CBLN2: variants seen among roughly 807,000 people sequenced by gnomAD.
The protein encoded by CBLN2 is cerebellin-2.
A neutral mutation model predicts 15.0 loss-of-function variants in CBLN2; 7 were observed. That is an observed-to-expected ratio of 0.47 (90% CI 0.27 to 0.88). The LOEUF is 0.88. Ranked by LOEUF, CBLN2 falls within the 40% of genes least tolerant of loss-of-function variation. The pLI, the probability that CBLN2 is intolerant of heterozygous loss-of-function variation, is 0.14. For synonymous variants in CBLN2, 149 were observed against 135.2 expected (o/e 1.10, Z -0.71); for missense variants, 242 against 304.5 (o/e 0.79, Z 1.53).
At chr18:72,548,540 A>G (rs1373977016), upstream of CBLN2, among the ~76,000 whole-genome samples, 1 of 152,218 alleles carries the variant, frequency 6.6e-6, no homozygotes, top group African/African-American at 2.4e-5. Context: ...GTTATCGCTC[A>G]GGATCCGTTC....
intron 1 of CBLN2, among the ~76,000 whole-genome samples, chr18:72,636,046 A>T (rs1486640726): frequency 1.3e-5 from 2 of 152,086 alleles, no homozygotes; most frequent in Non-Finnish European, 2.9e-5. Context: ...AAGAAAAATC[A>T]CCCTTTTCTT....
At chr18:72,583,501 T>C (rs2069421231) in intron 1 of CBLN2, among the ~76,000 whole-genome samples, 1 of 152,192 alleles carries the variant, frequency 6.6e-6, no homozygotes, top group Non-Finnish European at 1.5e-5. Context: ...GTGAATGAAT[T>C]CCATTTATCC....
intron 1 of CBLN2, among the ~76,000 whole-genome samples, chr18:72,611,114 A>G (rs556609953): frequency 2.6e-5 from 4 of 152,126 alleles, no homozygotes; most frequent in Non-Finnish European, 5.9e-5. Context: ...GTGTATATGT[A>G]CCATATTTTC....
At chr18:72,574,213 A>G in intron 1 of CBLN2, among the ~76,000 whole-genome samples, 1 of 151,938 alleles carries the variant, frequency 6.6e-6, no homozygotes, top group East Asian at 1.9e-4. Context: ...TTTTGCAAAT[A>G]TTTTCTTTCA....
chr18:72,549,944 T>A (rs2069181783), intron 1 of CBLN2, among the ~76,000 whole-genome samples: 1 of 152,154 alleles, frequency 6.6e-6, no homozygotes, highest in South Asian at 2.1e-4. Flanking sequence ...GGGTCAAAGG[T>A]ATTGCGGTTC....
At position 72,542,094 on chromosome 18, in the gene CBLN2, G is replaced by C; in HGVS notation, c.67C>G (p.Arg23Gly). The C allele has an allele frequency of 6.7e-7, 1 of 1,494,504 alleles. No individual in the cohort carries two copies. Among genetic ancestry groups the C allele is most frequent in the Non-Finnish European group, 8.8e-7 (1 of 1,133,124 alleles). 92.6% of individuals were successfully genotyped at this position (1,494,504 alleles called of 1,614,324 possible). A position where few individuals can be genotyped will look rare whatever the true frequency, so the allele number is the denominator to read the frequency against. Residue 23 changes from arginine (R) to glycine (G), a missense_variant, in exon 3 of 5, where the codon CGC (arginine) becomes GGC (glycine). Physicochemically the swap from Arg to Gly is moderately radical, Grantham distance 125. Around this residue, in one of 4 missense-constraint regions of CBLN2, gnomAD observed 96 missense variants for 83.8 expected, o/e 1.15. Coordinates refer to ENST00000269503, the MANE Select transcript of CBLN2 (RefSeq NM_182511.4). ...CAGGATCCGCAGCCGCCCGGCTCGC[G>C]CAGCGCCCCCCGGCGCCCGGGCATC... The part of the protein sequence containing the change: ...LMMPGRRGAL[R>G]EPGGCGSCLG...
chr18:72,619,277 G>A (rs2144964560), intron 1 of CBLN2: 3 of 718,314 alleles, frequency 4.2e-6, no homozygotes, highest in Middle Eastern at 3.8e-4. Flanking sequence ...AAGTGACGGG[G>A]AAGCTACAGG....
At position 72,609,082 on chromosome 18, in the gene CBLN2, A is replaced by G. The variant is rs117060984; in HGVS notation, c.15+29243T>C. On this transcript the variant is annotated intron_variant, in intron 1 of 2. Transcript: ENST00000581073. Reference sequence around the variant, plus strand: ...ATTTGGGTGGGAACACAGCCAACCCATATCAGGCCTCAACAGAAAGGATGG... The same window carrying G: ...ATTTGGGTGGGAACACAGCCAACCCGTATCAGGCCTCAACAGAAAGGATGG... 4.1e-3 allele frequency among the ~76,000 whole-genome samples: 627 copies of G among 152,308 alleles called. 3 individuals are homozygous for G. The highest frequency in any genetic ancestry group is 6.2e-3 in the Non-Finnish European group (419 of 68,032).
intron 1 of CBLN2, among the ~76,000 whole-genome samples, chr18:72,562,896 T>TG (rs2069270739): frequency 6.6e-6 from 1 of 152,250 alleles, no homozygotes; most frequent in Admixed American, 6.5e-5. Flanking sequence ...TTGCTAGTTT[T>TG]AAACTACAGG....
At chr18:72,606,488 T>C (rs1298441542) in intron 1 of CBLN2, among the ~76,000 whole-genome samples, 1 of 152,218 alleles carries the variant, frequency 6.6e-6, no homozygotes, top group Admixed American at 6.5e-5. Flanking sequence ...ATCTGTAGAA[T>C]GTTTTGAAAA....
rs187308552 is a variant in CBLN2 at position 72,555,596 on chromosome 18, T to C, written c.16-16824A>G. Among the ~76,000 whole-genome samples, 61 of 152,292 alleles carry C rather than the reference T, an allele frequency of 4.0e-4. No individual in the cohort carries two copies. In the East Asian group the frequency reaches 0.01, roughly 26 times the overall value. ...AATTATAGAATTTTATATACAGTAA[T>C]CTACTTTTTCCATTTAATTTATCAT... On this transcript the variant is annotated intron_variant, in intron 1 of 2. Transcript: ENST00000581073.
At position 72,610,648 on chromosome 18, in the gene CBLN2, A is replaced by T. The variant is rs550234108; in HGVS notation, c.15+27677T>A. Among the ~76,000 whole-genome samples, 19 of 152,344 alleles carry T rather than the reference A, an allele frequency of 1.2e-4. No homozygotes were observed. The South Asian group carries it at 3.9e-3, about 32-fold the overall frequency. On this transcript the variant is annotated intron_variant, in intron 1 of 2. Coordinates refer to the CBLN2 transcript ENST00000581073. Reference sequence around the variant, plus strand: ...ACTCCTCTGAAGCAATGTAGAAATCAATAAGGAGCATCCCTCCTTTATAGC... The same window carrying T: ...ACTCCTCTGAAGCAATGTAGAAATCTATAAGGAGCATCCCTCCTTTATAGC...
At chr18:72,593,409 G>A (rs1475444398) in intron 1 of CBLN2, among the ~76,000 whole-genome samples, 1 of 152,000 alleles carries the variant, frequency 6.6e-6, no homozygotes, top group East Asian at 1.9e-4. Flanking sequence ...GGGTTTTTTG[G>A]TGAAATCTTT....
At chr18:72,608,956 T>C (rs962137963) in intron 1 of CBLN2, among the ~76,000 whole-genome samples, 10 of 152,140 alleles carry the variant, frequency 6.6e-5, no homozygotes, top group African/African-American at 2.4e-4. Context: ...ATGAGACTTA[T>C]TCACTACCAT....
chr18:72,628,044 T>C (rs1174192320), intron 1 of CBLN2, among the ~76,000 whole-genome samples: 5 of 152,240 alleles, frequency 3.3e-5, no homozygotes, highest in African/African-American at 9.6e-5. Context: ...AATATGATTA[T>C]GTAGTCTCTG....
At chr18:72,624,906 A>G (rs1306588351) in intron 1 of CBLN2, among the ~76,000 whole-genome samples, 1 of 152,222 alleles carries the variant, frequency 6.6e-6, no homozygotes, top group South Asian at 2.1e-4. Context: ...AGAGGCTGGT[A>G]TTAAATCCTG....
At chr18:72,572,072 G>T (rs1328902750) in intron 1 of CBLN2, among the ~76,000 whole-genome samples, 1 of 152,116 alleles carries the variant, frequency 6.6e-6, no homozygotes, top group East Asian at 1.9e-4. Flanking sequence ...AGAGGCTTTT[G>T]CATCGACTAT....
In CBLN2 at chr18:72,538,020, A is replaced by G. The variant is rs903742263; in HGVS notation, c.*156T>C. On this transcript the variant is annotated 3_prime_UTR_variant, in exon 5 of 5. Coordinates refer to ENST00000269503, the MANE Select transcript of CBLN2 (RefSeq NM_182511.4). ...GTCAGTATTCCAAAAAACAAAAACA[A>G]AAGTACTGGAGGTTTCAAAGGAAAT... 2 of 731,470 alleles carry G rather than the reference A, an allele frequency of 2.7e-6. No homozygotes were observed. Among genetic ancestry groups the G allele is most frequent in the African/African-American group, 3.6e-5 (2 of 56,010 alleles). 45.3% of individuals were successfully genotyped at this position (731,470 alleles called of 1,614,324 possible). A position where few individuals can be genotyped will look rare whatever the true frequency, so the allele number is the denominator to read the frequency against.
At chr18:72,626,769 A>T (rs997048554) in intron 1 of CBLN2, among the ~76,000 whole-genome samples, 19 of 152,122 alleles carry the variant, frequency 1.2e-4, no homozygotes, top group Non-Finnish European at 2.4e-4. Context: ...GGAAGACAAA[A>T]CAACAAATGG....
Sources: gnomAD v4.1 joint callset for allele counts (sites outside exome capture counted in the v4.1 genomes callset) on GRCh38, gnomAD v4.1.1 for gene constraint, gnomAD v4.1.1 regional missense constraint, MANE v1.5 for transcripts, NCBI Gene and HGNC (gene_info 2026-07-23, HGNC 2026-07-21) for gene names.